Variants in MACROD2 observed in about 807,000 individuals in gnomAD.
MACROD2 encodes mono-ADP ribosylhydrolase 2, also known as ADP-ribose glycohydrolase MACROD2.
A neutral mutation model predicts 70.4 loss-of-function variants in MACROD2; 36 were observed. That is an observed-to-expected ratio of 0.51 (90% CI 0.39 to 0.68). The LOEUF (loss-of-function observed/expected upper bound fraction) is 0.68. Ranked by LOEUF, MACROD2 falls within the 30% of genes least tolerant of loss-of-function variation. MACROD2 has a pLI of 0.00. For missense variants in MACROD2, 496 were observed against 538.4 expected, an observed-to-expected ratio of 0.92 and a Z score of 0.78; for synonymous variants, 172 against 178.8, an observed-to-expected ratio of 0.96 and a Z score of 0.30.
intron 3 of MACROD2, among the ~76,000 whole-genome samples, chr20:14,211,810 A>G (rs896289544): frequency 3.9e-5 from 6 of 152,180 alleles, no homozygotes; most frequent in African/African-American, 1.2e-4. Context: ...TTCAGCTTTC[A>G]GTAACAGCTC....
chr20:15,251,147 GGT>G (rs1171547309), intron 6 of MACROD2, among the ~76,000 whole-genome samples: 2 of 152,146 alleles, frequency 1.3e-5, no homozygotes, highest in Non-Finnish European at 2.9e-5. Context: ...CGAAAAAAGG[GGT>G]AGGGGTCAGA....
At chr20:15,021,810 A>G (rs2075188550) in intron 5 of MACROD2, among the ~76,000 whole-genome samples, 1 of 151,984 alleles carries the variant, frequency 6.6e-6, no homozygotes, top group Non-Finnish European at 1.5e-5. Context: ...GCTATGTAAC[A>G]TGAAGAGTGA....
chr20:15,251,650 C>T (rs556924960), intron 6 of MACROD2, among the ~76,000 whole-genome samples: 1 of 152,206 alleles, frequency 6.6e-6, no homozygotes, highest in East Asian at 1.9e-4. Context: ...TCCCTTTTGC[C>T]TTTCATCTGG....
chr20:15,283,779 G>A (rs1222721711), intron 6 of MACROD2, among the ~76,000 whole-genome samples: 1 of 152,130 alleles, frequency 6.6e-6, no homozygotes, highest in Non-Finnish European at 1.5e-5. Flanking sequence ...TTGTTTTTCT[G>A]TACACAACCC....
intron 6 of MACROD2, among the ~76,000 whole-genome samples, chr20:15,295,512 A>G (rs1156903804): frequency 1.3e-5 from 2 of 151,978 alleles, no homozygotes; most frequent in East Asian, 1.9e-4. Flanking sequence ...GTTTCTGTGT[A>G]TAAGTGAAAT....
intron 4 of MACROD2, among the ~76,000 whole-genome samples, chr20:14,589,504 T>C (rs1350807753): frequency 2.0e-5 from 3 of 152,212 alleles, no homozygotes; most frequent in Non-Finnish European, 4.4e-5. Context: ...TTTGTTATCC[T>C]TGTCTGTTAT....
intron 3 of MACROD2, among the ~76,000 whole-genome samples, chr20:14,277,714 TGA>T (rs142899395): frequency 4.2e-5 from 6 of 144,260 alleles, no homozygotes; most frequent in South Asian, 2.2e-4. Flanking sequence ...AAAGAGAGAG[TGA>T]GAGAGAGAGA....
At chr20:15,384,571 C>G (rs1382308310) in intron 6 of MACROD2, among the ~76,000 whole-genome samples, 1 of 152,124 alleles carries the variant, frequency 6.6e-6, no homozygotes, top group Admixed American at 6.6e-5. Context: ...TTTACATATC[C>G]TAAGGCACTA....
At chr20:15,267,505 G>A (rs1170599940) in intron 6 of MACROD2, among the ~76,000 whole-genome samples, 2 of 146,860 alleles carry the variant, frequency 1.4e-5, no homozygotes, top group Non-Finnish European at 3.1e-5. Flanking sequence ...CATGCAAGCT[G>A]GCACAAAATA....
chr20:14,709,062 A>G (rs1600570316), intron 5 of MACROD2, among the ~76,000 whole-genome samples: 1 of 152,180 alleles, frequency 6.6e-6, no homozygotes, highest in Non-Finnish European at 1.5e-5. Flanking sequence ...GTTCAGCTTT[A>G]AATACTGAGC....
chr20:15,071,925 T>A lies in MACROD2; in HGVS notation c.419-158015T>A, dbSNP rs2075621960. ...ATTTCTTCTATTATTGTGATTCTCATTCCACTTGTTACCTAGCAGTTGCCT... is the reference window on the plus strand; with the variant it reads ...ATTTCTTCTATTATTGTGATTCTCAATCCACTTGTTACCTAGCAGTTGCCT... On this transcript the variant is annotated intron_variant, in intron 5 of 17. Transcript: ENST00000684519. Among the ~76,000 whole-genome samples the A allele has an allele frequency of 2.0e-5, 3 of 152,150 alleles. No homozygotes were observed. In the South Asian group the frequency reaches 6.2e-4, roughly 31 times the overall value.
chr20:15,671,844 C>T (rs1476399774), intron 8 of MACROD2, among the ~76,000 whole-genome samples: 1 of 152,240 alleles, frequency 6.6e-6, no homozygotes, highest in African/African-American at 2.4e-5. Flanking sequence ...TTTGCAGCCA[C>T]TGCTACAGTC....
chr20:14,246,336 G>T (rs1009448992), intron 3 of MACROD2, among the ~76,000 whole-genome samples: 3 of 152,174 alleles, frequency 2.0e-5, no homozygotes, highest in African/African-American at 7.2e-5. Flanking sequence ...GTACTTTGAT[G>T]TAGTATTGGA....
chr20:14,430,039 A>G (rs2083977622), intron 3 of MACROD2, among the ~76,000 whole-genome samples: 1 of 152,170 alleles, frequency 6.6e-6, no homozygotes, highest in Non-Finnish European at 1.5e-5. Context: ...CTCAGCATCT[A>G]CTTTTGGTGT....
At chr20:15,694,432 A>G (rs879936763) in intron 8 of MACROD2, among the ~76,000 whole-genome samples, 3 of 152,080 alleles carry the variant, frequency 2.0e-5, no homozygotes, top group Non-Finnish European at 2.9e-5. Context: ...GTGGTATCAC[A>G]TTGTGGTTTT....
chr20:14,100,013 G>T (rs1250397897), intron 3 of MACROD2, among the ~76,000 whole-genome samples: 4 of 151,976 alleles, frequency 2.6e-5, no homozygotes, highest in Admixed American at 6.5e-5. Flanking sequence ...AAGAAGATGG[G>T]GTTGTTTTAT....
intron 10 of MACROD2, among the ~76,000 whole-genome samples, chr20:15,888,657 C>T (rs890264841): frequency 6.6e-6 from 1 of 152,100 alleles, no homozygotes; most frequent in African/African-American, 2.4e-5. Context: ...TTAGTTCCAC[C>T]AGGTTTCCTG....
At chr20:14,428,010 C>T (rs1205369515) in intron 3 of MACROD2, among the ~76,000 whole-genome samples, 1 of 152,082 alleles carries the variant, frequency 6.6e-6, no homozygotes, top group East Asian at 1.9e-4. Flanking sequence ...TAGTAATGAG[C>T]AGACTTTTAG....
intron 7 of MACROD2, among the ~76,000 whole-genome samples, chr20:15,459,494 T>C (rs1200847737): frequency 3.3e-5 from 5 of 152,132 alleles, no homozygotes; most frequent in Non-Finnish European, 7.4e-5. Context: ...CCTTGATCTT[T>C]CCAGGAAGCT....
Sources: gnomAD v4.1 joint callset for allele counts (sites outside exome capture counted in the v4.1 genomes callset) on GRCh38, gnomAD v4.1.1 for gene constraint, MANE v1.5 for transcripts, NCBI Gene and HGNC (gene_info 2026-07-23, HGNC 2026-07-21) for gene names.